Variants in GREB1L observed in about 807,000 individuals in gnomAD.
GREB1L encodes GREB1-like protein.
Under a neutral mutation model 200.8 loss-of-function variants are expected in GREB1L, and 17 were observed. The observed-to-expected ratio is 0.08, with a 90% confidence interval of 0.06 to 0.13. The LOEUF is 0.13. Ranked by LOEUF, GREB1L falls within the 10% of genes least tolerant of loss-of-function variation. GREB1L has a pLI of 1.00. For synonymous variants in GREB1L, 789 were observed against 893.0 expected, an observed-to-expected ratio of 0.88 and a Z score of 2.08; for missense variants, 1,657 against 2,367.7, an observed-to-expected ratio of 0.70 and a Z score of 6.23.
intron 1 of GREB1L, among the ~76,000 whole-genome samples, chr18:21,250,046 C>T (rs987882463): frequency 6.6e-6 from 1 of 151,930 alleles, no homozygotes; most frequent in Non-Finnish European, 1.5e-5. Context: ...TGAGAAGTGA[C>T]TTGAGTGAAG....
At chr18:21,363,271 A>ACCCCCCCCCCCCCC (rs1567951929) in intron 1 of GREB1L, among the ~76,000 whole-genome samples, 2 of 7,308 alleles carry the variant, frequency 2.7e-4, no homozygotes, top group African/African-American at 5.3e-4. Context: ...CCCTGCCCCC[A>ACCCCCCCCCCCCCC]CTCCGCCTCC....
chr18:21,442,337 T>G (rs1598846667), intron 10 of GREB1L, among the ~76,000 whole-genome samples: 1 of 152,320 alleles, frequency 6.6e-6, no homozygotes, highest in East Asian at 1.9e-4. Flanking sequence ...TGTTATTTGC[T>G]TTTTGGGTTG....
At chr18:21,430,145 A>C (rs748826212) in intron 7 of GREB1L, among the ~76,000 whole-genome samples, 19 of 152,114 alleles carry the variant, frequency 1.2e-4, no homozygotes, top group Non-Finnish European at 2.1e-4. Flanking sequence ...TACCCCTTTA[A>C]AGGGCCTATG....
At chr18:21,444,872 T>G (rs1311983717) in intron 11 of GREB1L, among the ~76,000 whole-genome samples, 1 of 152,226 alleles carries the variant, frequency 6.6e-6, no homozygotes, top group Non-Finnish European at 1.5e-5. Flanking sequence ...ACACCCATTT[T>G]TTTTCTTCTC....
chr18:21,431,359 C>A (rs2033140233), intron 7 of GREB1L, among the ~76,000 whole-genome samples: 1 of 152,086 alleles, frequency 6.6e-6, no homozygotes, highest in Non-Finnish European at 1.5e-5. Flanking sequence ...TATACAATTT[C>A]CTTTGTGATG....
intron 15 of GREB1L, among the ~76,000 whole-genome samples, chr18:21,469,803 T>C (rs2035409081): frequency 6.6e-6 from 1 of 152,158 alleles, no homozygotes; most frequent in African/African-American, 2.4e-5. Context: ...CTTCTTTGAC[T>C]TTTTTTCTGG....
chr18:21,394,437 G>A (rs2040957629), intron 4 of GREB1L, among the ~76,000 whole-genome samples: 1 of 152,194 alleles, frequency 6.6e-6, no homozygotes, highest in African/African-American at 2.4e-5. Context: ...GTGAGTTCTT[G>A]GAGGAAGTTA....
At chr18:21,372,705 T>A (rs1181968523) in intron 2 of GREB1L, among the ~76,000 whole-genome samples, 1 of 151,922 alleles carries the variant, frequency 6.6e-6, no homozygotes, top group African/African-American at 2.4e-5. Context: ...GTGGATCACC[T>A]GAGGTCAGGA....
intron 1 of GREB1L, among the ~76,000 whole-genome samples, chr18:21,298,265 T>A (rs904789228): frequency 4.6e-5 from 7 of 152,190 alleles, no homozygotes; most frequent in Non-Finnish European, 8.8e-5. Context: ...CAGGCTCTAT[T>A]TCTTGTTCTC....
In GREB1L at chr18:21,264,674, C is replaced by A. The variant is rs115721695; in HGVS notation, c.-120+22281C>A. The stretch of plus-strand genomic sequence containing the variant: ...GTCTTATCCTTTCTCCCCCTCCCCC[C>A]CTCCTGGTCACCCTTCACCCCCGCC... On this transcript the variant is annotated intron_variant, in intron 1 of 32. Coordinates refer to ENST00000424526, the MANE Select transcript of GREB1L (RefSeq NM_001142966.3). 8.4e-3 allele frequency among the ~76,000 whole-genome samples: 1,264 copies of A among 149,592 alleles called. 2 individuals are homozygous for A. The highest frequency in any genetic ancestry group is 0.014 in the Non-Finnish European group (941 of 67,516).
chr18:21,301,737 G>A (rs536985179), intron 1 of GREB1L, among the ~76,000 whole-genome samples: 20 of 152,208 alleles, frequency 1.3e-4, no homozygotes, highest in South Asian at 1.2e-3. Context: ...TAAAACAAAC[G>A]AACTTTTTTT....
chr18:21,402,421 TTTTTTCTTTTC>T (rs1006454878), intron 6 of GREB1L, among the ~76,000 whole-genome samples: 9 of 151,560 alleles, frequency 5.9e-5, no homozygotes, highest in African/African-American at 2.2e-4. Context: ...TCATTTATCT[TTTTTTCTTTTC>T]TTTTTCTTTT....
rs560234307 is a variant in GREB1L, at chr18:21,260,802, T to C, written c.-120+18409T>C. On this transcript the variant is annotated intron_variant, in intron 1 of 32. Transcript: ENST00000424526. ...GGTGGTTATGATAGTCCAGCTGCCA[T>C]TGTGTGTGTTTCATTTAAATGTAAA... Among the ~76,000 whole-genome samples, 9 of 152,090 alleles carry C rather than the reference T, an allele frequency of 5.9e-5. No homozygotes were observed. In the South Asian group the frequency reaches 1.7e-3, roughly 28 times the overall value.
At chr18:21,284,813 T>C (rs570881937) in intron 1 of GREB1L, among the ~76,000 whole-genome samples, 3 of 152,318 alleles carry the variant, frequency 2.0e-5, no homozygotes, top group African/African-American at 7.2e-5. Context: ...TGAGGTTTGT[T>C]CTCTCGCCAT....
At chr18:21,487,186 C>G (rs569785401) in intron 18 of GREB1L, among the ~76,000 whole-genome samples, 1 of 152,170 alleles carries the variant, frequency 6.6e-6, no homozygotes, top group East Asian at 1.9e-4. Context: ...AATGCATCTT[C>G]TTTTTCTGGT....
intron 1 of GREB1L, among the ~76,000 whole-genome samples, chr18:21,304,711 G>GA (rs1370489115): frequency 4.7e-5 from 7 of 150,078 alleles, no homozygotes; most frequent in African/African-American, 1.8e-4. Flanking sequence ...TTTAGAGAAA[G>GA]AAAAAATAAA....
Position 21,395,539 on chromosome 18 carries a change from T to C in GREB1L, c.510T>C (p.Asp170=). The C allele has an allele frequency of 6.5e-7, 1 of 1,548,642 alleles. No individual in the cohort carries two copies. Among genetic ancestry groups the C allele is most frequent in the Non-Finnish European group, 8.7e-7 (1 of 1,146,116 alleles). Reference sequence around the variant, plus strand: ...TGGACAAGCGATTTCTACCAGATGATCATGGAAAAAATGCACTTTTAGGTG... The same window carrying C: ...TGGACAAGCGATTTCTACCAGATGACCATGGAAAAAATGCACTTTTAGGTG... ...CAVDKRFLPD[D]HGKNALLGFS... Residue 170 remains aspartate (D), a synonymous_variant, in exon 5 of 33, where the codon GAT becomes GAC. Coordinates refer to ENST00000424526, the MANE Select transcript of GREB1L (RefSeq NM_001142966.3).
intron 10 of GREB1L, among the ~76,000 whole-genome samples, chr18:21,442,046 T>C (rs1294934953): frequency 2.0e-5 from 3 of 152,196 alleles, no homozygotes; most frequent in African/African-American, 7.2e-5. Context: ...CCAAGCCAGC[T>C]GAAAGACCCT....
intron 1 of GREB1L, among the ~76,000 whole-genome samples, chr18:21,274,106 A>G (rs2038122977): frequency 6.6e-6 from 1 of 152,222 alleles, no homozygotes; most frequent in Admixed American, 6.5e-5. Flanking sequence ...GAAGTCCAAG[A>G]TCAAGGCACC....
Sources: gnomAD v4.1 joint callset for allele counts (sites outside exome capture counted in the v4.1 genomes callset) on GRCh38, gnomAD v4.1.1 for gene constraint, MANE v1.5 for transcripts, NCBI Gene and HGNC (gene_info 2026-07-23, HGNC 2026-07-21) for gene names.